THRB: variants seen among roughly 807,000 people sequenced by gnomAD.
The protein encoded by THRB is thyroid hormone receptor beta.
A neutral mutation model predicts 47.8 loss-of-function variants in THRB; 12 were observed. The observed-to-expected ratio is 0.25, with a 90% CI of 0.16 to 0.41. The LOEUF is 0.41. Among genes scored for constraint, THRB ranks in the 10% least tolerant of loss-of-function variants. The pLI is 1.00. For synonymous variants in THRB, 218 were observed against 212.2 expected (o/e 1.03, Z -0.24); for missense variants, 348 against 589.2 (o/e 0.59, Z 4.24).
At chr3:24,316,532 A>G (rs1225796410) in intron 2 of THRB, among the ~76,000 whole-genome samples, 1 of 151,486 alleles carries the variant, frequency 6.6e-6, no homozygotes, top group Non-Finnish European at 1.5e-5. Context: ...CAGACTCTAC[A>G]TTTAATTGTC....
At chr3:24,141,765 T>G (rs1347458621) in intron 8 of THRB, among the ~76,000 whole-genome samples, 2 of 152,204 alleles carry the variant, frequency 1.3e-5, no homozygotes, top group African/African-American at 4.8e-5. Context: ...ACTTCAAATC[T>G]TCTACCTTAC....
intron 1 of THRB, among the ~76,000 whole-genome samples, chr3:24,391,791 C>T (rs1217630649): frequency 6.6e-6 from 1 of 152,174 alleles, no homozygotes; most frequent in Non-Finnish European, 1.5e-5. Flanking sequence ...TCATCATCAT[C>T]ACCATTATTG....
intron 4 of THRB, among the ~76,000 whole-genome samples, chr3:24,205,568 G>C (rs7428195): frequency 1.3e-5 from 2 of 152,174 alleles, no homozygotes; most frequent in Non-Finnish European, 2.9e-5. Context: ...AAAGACCATC[G>C]ATGCTAGAAA....
At chr3:24,209,482 T>A (rs905961682) in intron 4 of THRB, among the ~76,000 whole-genome samples, 2 of 152,162 alleles carry the variant, frequency 1.3e-5, no homozygotes, top group Non-Finnish European at 2.9e-5. Context: ...TACACCATGG[T>A]ACACTATGCA....
intron 3 of THRB, among the ~76,000 whole-genome samples, chr3:24,290,114 A>G (rs187158025): frequency 6.6e-6 from 1 of 152,250 alleles, no homozygotes; most frequent in African/African-American, 2.4e-5. Context: ...GCAAGGCAAT[A>G]AAGTTTTCCA....
rs148314223 is a variant in THRB, at chr3:24,227,912, C to T, written c.22+1026G>A. ...GTATATAGCTGAGGTCATAAACTCACAGCTCATGGGTTGATTCTAGTTAGC... is the reference window on the plus strand; with the variant it reads ...GTATATAGCTGAGGTCATAAACTCATAGCTCATGGGTTGATTCTAGTTAGC... On this transcript the variant is annotated intron_variant, in intron 4 of 10. Coordinates refer to ENST00000646209, the MANE Select transcript of THRB (RefSeq NM_001354712.2). 5.2e-4 allele frequency among the ~76,000 whole-genome samples: 79 copies of T among 152,278 alleles called. No individual in the cohort carries two copies. In the East Asian group the frequency reaches 0.015, roughly 29 times the overall value.
At chr3:24,412,538 CCAAA>C (rs1364869654) in intron 1 of THRB, among the ~76,000 whole-genome samples, 5 of 151,720 alleles carry the variant, frequency 3.3e-5, no homozygotes, top group African/African-American at 1.2e-4. Flanking sequence ...TAAAGAGTTA[CCAAA>C]CAAAGCTAGG....
Position 24,172,895 on chromosome 3 carries a change from T to C in THRB, c.283+17179A>G, listed in dbSNP as rs565405730. On this transcript the variant is annotated intron_variant, in intron 5 of 10. Coordinates refer to ENST00000646209, the MANE Select transcript of THRB (RefSeq NM_001354712.2). ...AGGTGGAATAATTGCCTCAGCACATTAATGCAAAAGATACCACAAACTTAG... is the reference window on the plus strand; with the variant it reads ...AGGTGGAATAATTGCCTCAGCACATCAATGCAAAAGATACCACAAACTTAG... Among the ~76,000 whole-genome samples, 9 of 152,286 alleles carry C rather than the reference T, an allele frequency of 5.9e-5. No individual in the cohort carries two copies. The South Asian group carries it at 1.9e-3, about 32-fold the overall frequency.
At chr3:24,487,701 A>G (rs116171711) in intron 1 of THRB, among the ~76,000 whole-genome samples, 1,610 of 152,308 alleles carry the variant, frequency 0.011, 25 homozygotes, top group African/African-American at 0.036. Context: ...AGCAGAAGCC[A>G]GAGACAAGCA....
At chr3:24,274,973 G>T (rs1049517757) in intron 3 of THRB, among the ~76,000 whole-genome samples, 1 of 152,040 alleles carries the variant, frequency 6.6e-6, no homozygotes, top group East Asian at 1.9e-4. Flanking sequence ...GAGAATTTGT[G>T]CATTCATCTA....
intron 1 of THRB, among the ~76,000 whole-genome samples, chr3:24,402,085 G>A (rs577009315): frequency 6.6e-6 from 1 of 152,096 alleles, no homozygotes; most frequent in East Asian, 1.9e-4. Flanking sequence ...GTCTGGGACA[G>A]GTTTTTAGAA....
intron 3 of THRB, among the ~76,000 whole-genome samples, chr3:24,274,639 C>T (rs1463522207): frequency 6.6e-6 from 1 of 152,004 alleles, no homozygotes; most frequent in Non-Finnish European, 1.5e-5. Flanking sequence ...AGCAATTATA[C>T]CTTATATATG....
At chr3:24,239,370 A>C (rs1410732473) in intron 3 of THRB, among the ~76,000 whole-genome samples, 1 of 152,166 alleles carries the variant, frequency 6.6e-6, no homozygotes, top group Non-Finnish European at 1.5e-5. Flanking sequence ...GTCTTTCAAC[A>C]GTGTGTATCA....
chr3:24,390,813 T>TAA (rs1380970881), intron 1 of THRB, among the ~76,000 whole-genome samples: 53 of 147,052 alleles, frequency 3.6e-4, no homozygotes, highest in South Asian at 8.5e-4. Flanking sequence ...TATATATATA[T>TAA]AATATTATTT....
chr3:24,223,166 G>C (rs2047327231), intron 4 of THRB, among the ~76,000 whole-genome samples: 2 of 152,290 alleles, frequency 1.3e-5, no homozygotes, highest in South Asian at 4.1e-4. Flanking sequence ...GGGACAGAAG[G>C]ACCTCCACCA....
intron 5 of THRB, among the ~76,000 whole-genome samples, chr3:24,153,385 T>C (rs1270410969): frequency 1.3e-5 from 2 of 152,206 alleles, no homozygotes; most frequent in African/African-American, 4.8e-5. Context: ...GAGAGTTGAC[T>C]TTAAGTAGAA....
At chr3:24,264,241 G>A (rs1185157304) in intron 3 of THRB, among the ~76,000 whole-genome samples, 1 of 152,016 alleles carries the variant, frequency 6.6e-6, no homozygotes, top group Non-Finnish European at 1.5e-5. Flanking sequence ...TGAGCTCTCT[G>A]CAAAGCTTCA....
At chr3:24,286,877 AT>A (rs2055361810) in intron 3 of THRB, among the ~76,000 whole-genome samples, 3 of 152,184 alleles carry the variant, frequency 2.0e-5, no homozygotes, top group Admixed American at 2.0e-4. Flanking sequence ...CCTGGGCGGC[AT>A]GGGGTTCCAA....
At chr3:24,287,387 T>C (rs2055421266) in intron 3 of THRB, among the ~76,000 whole-genome samples, 1 of 152,220 alleles carries the variant, frequency 6.6e-6, no homozygotes, top group African/African-American at 2.4e-5. Flanking sequence ...TATTTTTATG[T>C]GCATTATTTT....
Sources: gnomAD v4.1 joint callset for allele counts (sites outside exome capture counted in the v4.1 genomes callset) on GRCh38, gnomAD v4.1.1 for gene constraint, MANE v1.5 for transcripts, NCBI Gene and HGNC (gene_info 2026-07-23, HGNC 2026-07-21) for gene names.